STEAP2: variants seen among roughly 807,000 people sequenced by gnomAD.
STEAP2 encodes STEAP2 metalloreductase.
In STEAP2, 30 loss-of-function variants were observed where a neutral mutation model predicts 46.4. The observed-to-expected ratio is 0.65, with a 90% CI of 0.48 to 0.88. The LOEUF is 0.88. Ranked by LOEUF, STEAP2 falls within the 40% of genes least tolerant of loss-of-function variation. The pLI is 0.00. For missense variants in STEAP2, 513 were observed against 579.3 expected (o/e 0.89, Z 1.18); for synonymous variants, 180 against 200.5 (o/e 0.90, Z 0.86).
rs1211717884 is a variant in STEAP2, at chr7:90,212,009, GC to G, written c.-179del. On this transcript the variant is annotated 5_prime_UTR_variant, in exon 1 of 6. Coordinates refer to ENST00000394621, the MANE Select transcript of STEAP2 (RefSeq NM_001244944.2). ...CCGCTCCCGGGGAGCTGCAAGGCTC[GC>G]CCCTGCCCGGCGTGGAGGGCGCGGG... is the stretch of plus-strand genomic sequence containing the variant. 6.6e-6 allele frequency: 1 copy of G among 152,506 alleles called. No individual in the cohort carries two copies. The highest frequency in any genetic ancestry group is 2.4e-5 in the African/African-American group (1 of 41,472). 9.4% of individuals were successfully genotyped at this position (152,506 alleles called of 1,614,324 possible).
chr7:90,225,690 A>AGTGTC, intron 3 of STEAP2, 116 bp downstream of exon 3: 1 of 1,197,620 alleles, frequency 8.3e-7, no homozygotes. Flanking sequence ...ATCATTTGAA[A>AGTGTC]ATTAATTATG....
chr7:90,219,750 CAG>C (rs1303689780), intron 2 of STEAP2, among the ~76,000 whole-genome samples: 2 of 152,076 alleles, frequency 1.3e-5, no homozygotes, highest in Non-Finnish European at 1.5e-5. Flanking sequence ...TTTTAGGAGA[CAG>C]GGTCTTGCTC....
chr7:90,218,406 T>C (rs748746871), intron 2 of STEAP2, among the ~76,000 whole-genome samples: 3 of 152,116 alleles, frequency 2.0e-5, no homozygotes, highest in Admixed American at 6.6e-5. Context: ...TTGGGTCTTA[T>C]GTTTAAGTCT....
chr7:90,237,926 T>C (rs1367766379), downstream of STEAP2, among the ~76,000 whole-genome samples: 1 of 152,216 alleles, frequency 6.6e-6, no homozygotes, highest in East Asian at 1.9e-4. Context: ...TTTTGTCTTA[T>C]TTACTACTAA....
At chr7:90,224,623 G>A (rs1795401095) in intron 2 of STEAP2, among the ~76,000 whole-genome samples, 1 of 152,190 alleles carries the variant, frequency 6.6e-6, no homozygotes. Flanking sequence ...CCCATTTGGG[G>A]GCTTTCCTGT....
At position 90,234,278 on chromosome 7, in the gene STEAP2, C is replaced by A. The variant is rs1473746901; in HGVS notation, c.*1654C>A. 10 of 985,120 alleles carry A rather than the reference C, an allele frequency of 1.0e-5. No homozygotes were observed. In the Admixed American group the frequency reaches 4.9e-4, roughly 49 times the overall value. The allele number at this position is 985,120 out of a possible 1,614,324, so 61.0% of individuals were successfully genotyped here. A position where few individuals can be genotyped will look rare whatever the true frequency, so the allele number is the denominator to read the frequency against. ...CTCAAACTGTAGAATGCCCTACATT[C>A]CCCCCACCCCAATTTGCTATTTCCT... On this transcript the variant is annotated 3_prime_UTR_variant, in exon 6 of 6. Coordinates refer to ENST00000394621, the MANE Select transcript of STEAP2 (RefSeq NM_001244944.2).
rs1388494404 is a variant in STEAP2, at chr7:90,232,917, TAC to T, written c.*295_*296del. Reference sequence around the variant, plus strand: ...TATTTCATAATCAGGCAAAAATACTTACAGTTAATAATATAGATATAATGTTA... The same window carrying T: ...TATTTCATAATCAGGCAAAAATACTTAGTTAATAATATAGATATAATGTTA... On this transcript the variant is annotated 3_prime_UTR_variant, in exon 6 of 6. Transcript: ENST00000394621. The T allele has an allele frequency of 5.9e-6, 6 of 1,019,080 alleles. No homozygotes were observed. The highest frequency in any genetic ancestry group is 5.9e-6 in the Non-Finnish European group (5 of 849,294). The allele number at this position is 1,019,080 out of a possible 1,614,324, so 63.1% of individuals were successfully genotyped here.
chr7:90,226,971 G>A lies in STEAP2; in HGVS notation c.493G>A (p.Val165Ile). 1 of 1,576,298 alleles carries A rather than the reference G, an allele frequency of 6.3e-7. No individual in the cohort carries two copies. The highest frequency in any genetic ancestry group is 1.2e-5 in the South Asian group (1 of 82,994). Reference sequence around the variant, plus strand: ...CTGAGTCTTTTTGTTTTTTCCACAGGTTTATATATGCAGCAACAATATTCA... The same window carrying A: ...CTGAGTCTTTTTGTTTTTTCCACAGATTTATATATGCAGCAACAATATTCA... ...QLGPKDASRQ[V>I]YICSNNIQAR... The change falls in exon 4 of 6, where the codon GTT (valine) becomes ATT (isoleucine). Residue 165 changes from valine to isoleucine, a missense_variant and splice_region_variant. Physicochemically the swap from Val to Ile is conservative, Grantham distance 29 (BLOSUM62 3). Transcript: ENST00000394621.
chr7:90,221,355 TTATC>T (rs1248707835), intron 2 of STEAP2, among the ~76,000 whole-genome samples: 1 of 152,122 alleles, frequency 6.6e-6, no homozygotes, highest in African/African-American at 2.4e-5. Context: ...TTGCTAGAAT[TTATC>T]TATTATCATT....
chr7:90,222,926 G>C (rs777027077), intron 2 of STEAP2, among the ~76,000 whole-genome samples: 14 of 152,112 alleles, frequency 9.2e-5, no homozygotes, highest in Non-Finnish European at 1.8e-4. Context: ...TATGAGCATA[G>C]AAGAAATTGT....
intron 4 of STEAP2, among the ~76,000 whole-genome samples, chr7:90,229,036 G>A (rs922122394): frequency 6.6e-6 from 1 of 152,094 alleles, no homozygotes; most frequent in South Asian, 2.1e-4. Context: ...GTTAGAATCT[G>A]TTTTCCATTA....
In STEAP2 at chr7:90,237,108, A is replaced by G. The variant is rs1795988368; in HGVS notation, c.*4484A>G. ...CTTCATCTTGCTGCTGGGATTGTGG[A>G]TATAACAGGAGCCCTGGCAGCTGTC... On this transcript the variant is annotated 3_prime_UTR_variant, in exon 6 of 6. Coordinates refer to ENST00000394621, the MANE Select transcript of STEAP2 (RefSeq NM_001244944.2). 5.4e-6 allele frequency: 4 copies of G among 744,316 alleles called. No homozygotes were observed. The highest frequency in any genetic ancestry group is 8.5e-6 in the Non-Finnish European group (4 of 472,080). 46.1% of individuals were successfully genotyped at this position (744,316 alleles called of 1,614,324 possible).
chr7:90,223,260 A>G (rs1795333582), intron 2 of STEAP2, among the ~76,000 whole-genome samples: 1 of 152,182 alleles, frequency 6.6e-6, no homozygotes, highest in South Asian at 2.1e-4. Context: ...CACACTGTCC[A>G]TCCTGTCTCA....
chr7:90,223,521 A>G (rs1795347953), intron 2 of STEAP2, among the ~76,000 whole-genome samples: 1 of 152,208 alleles, frequency 6.6e-6, no homozygotes, highest in African/African-American at 2.4e-5. Flanking sequence ...TGTCATAGCG[A>G]TGGTGGTGAG....
chr7:90,233,378 C>CT lies in STEAP2; in HGVS notation c.*755dup. The CT allele has an allele frequency of 5.1e-6, 5 of 985,210 alleles. No individual in the cohort carries two copies. The highest frequency in any genetic ancestry group is 4.8e-6 in the Non-Finnish European group (4 of 829,790). The allele number at this position is 985,210 out of a possible 1,614,324, so 61.0% of individuals were successfully genotyped here. ...ATTCAGTAACATTTGGCTTCCAAAACTGCTATCTCTAATACGGTACCAATC... is the reference window on the plus strand; with the variant it reads ...ATTCAGTAACATTTGGCTTCCAAAACTTGCTATCTCTAATACGGTACCAATC... On this transcript the variant is annotated 3_prime_UTR_variant, in exon 6 of 6. Transcript: ENST00000394621.
At chr7:90,223,963 T>G (rs953041735) in intron 2 of STEAP2, among the ~76,000 whole-genome samples, 1 of 152,228 alleles carries the variant, frequency 6.6e-6, no homozygotes, top group African/African-American at 2.4e-5. Context: ...TAGACAGTTT[T>G]GGTTTAAATG....
intron 4 of STEAP2, among the ~76,000 whole-genome samples, chr7:90,227,720 A>G (rs1795562254): frequency 1.3e-5 from 2 of 152,198 alleles, no homozygotes; most frequent in Non-Finnish European, 2.9e-5. Context: ...CATACAGAAT[A>G]AAAGCAGAAA....
Position 90,236,864 on chromosome 7 carries a change from A to G in STEAP2, c.*4240A>G. On this transcript the variant is annotated 3_prime_UTR_variant, in exon 6 of 6. Coordinates refer to ENST00000394621, the MANE Select transcript of STEAP2 (RefSeq NM_001244944.2). ...ATCTCCAAATTGCCAACTTTAAGGA[A>G]ATATTCTCTTGAAATTGTCTTTAAA... 6.2e-7 allele frequency: 1 copy of G among 1,612,540 alleles called. No homozygotes were observed. Among genetic ancestry groups the G allele is most frequent in the Non-Finnish European group, 8.5e-7 (1 of 1,179,360 alleles).
intron 4 of STEAP2, among the ~76,000 whole-genome samples, 174 bp from the exon 5 acceptor site, chr7:90,229,698 C>A (rs1441457063): frequency 6.6e-6 from 1 of 152,114 alleles, no homozygotes; most frequent in African/African-American, 2.4e-5. Context: ...TTCCCTTACA[C>A]CTGGAGCAGT....
Sources: allele counts gnomAD v4.1 joint callset (sites outside exome capture counted in the v4.1 genomes callset), GRCh38; gene constraint gnomAD v4.1.1; transcripts MANE v1.5; gene names NCBI Gene and HGNC (gene_info 2026-07-23, HGNC 2026-07-21).